The following NBAS variants were observed in gnomAD, a reference collection of about 807,000 sequenced individuals.
The protein encoded by NBAS is NAG/BC035112 fusion.
In NBAS, 219 loss-of-function variants were observed where a neutral mutation model predicts 302.5. The observed-to-expected ratio is 0.72, with a 90% confidence interval of 0.65 to 0.81. NBAS has a LOEUF of 0.81. Ranked by LOEUF, NBAS falls within the 30% of genes least tolerant of loss-of-function variation. The pLI is 0.00. For synonymous variants in NBAS, 1,118 were observed against 1,021.6 expected (o/e 1.09, Z -1.80); for missense variants, 2,932 against 2,841.6 (o/e 1.03, Z -0.72).
chr2:15,126,403 A>G, the NBAS span, among the ~76,000 whole-genome samples: 1 of 152,118 alleles, frequency 6.6e-6, no homozygotes, highest in Non-Finnish European at 1.5e-5. Flanking sequence ...CTGATACAGG[A>G]GCCCTGGTAG....
At chr2:15,439,441 G>C (rs1678223015) in intron 21 of NBAS, among the ~76,000 whole-genome samples, 1 of 151,586 alleles carries the variant, frequency 6.6e-6, no homozygotes, top group Non-Finnish European at 1.5e-5. Context: ...TAATTTAACT[G>C]CACCCCAGAA....
chr2:15,075,221 T>A, the NBAS span, among the ~76,000 whole-genome samples: 3 of 152,306 alleles, frequency 2.0e-5, no homozygotes, highest in African/African-American at 7.2e-5. Context: ...TTCTTTTAAA[T>A]GACAATACAA....
chr2:14,801,637 A>G, the NBAS span, among the ~76,000 whole-genome samples: 7 of 151,830 alleles, frequency 4.6e-5, no homozygotes, highest in African/African-American at 1.5e-4. Flanking sequence ...TTAGTTTTCA[A>G]TGTTTTTTTC....
intron 25 of NBAS, among the ~76,000 whole-genome samples, chr2:15,406,059 C>A (rs922338573): frequency 7.1e-6 from 1 of 141,282 alleles, no homozygotes; most frequent in Non-Finnish European, 1.5e-5. Context: ...AGTAGACAAA[C>A]TGTTACTAAA....
At chr2:15,480,252 G>T (rs906053390) in intron 12 of NBAS, among the ~76,000 whole-genome samples, 6 of 151,802 alleles carry the variant, frequency 4.0e-5, no homozygotes, top group Non-Finnish European at 8.8e-5. Context: ...GAGGTAGGAG[G>T]ATCAACTGAG....
intron 36 of NBAS, among the ~76,000 whole-genome samples, chr2:15,329,443 C>A (rs575584147): frequency 2.5e-4 from 38 of 152,172 alleles, no homozygotes; most frequent in Non-Finnish European, 4.7e-4. Flanking sequence ...CTTCTCTCAC[C>A]GGGAGGACTG....
At chr2:14,855,053 A>T in the NBAS span, among the ~76,000 whole-genome samples, 1 of 151,888 alleles carries the variant, frequency 6.6e-6, no homozygotes, top group Non-Finnish European at 1.5e-5. Flanking sequence ...GAGTGGTGAG[A>T]ACTTTGTCTT....
At chr2:15,105,475 G>GAAAGAAAA in the NBAS span, among the ~76,000 whole-genome samples, 2,896 of 151,064 alleles carry the variant, frequency 0.019, 91 homozygotes, top group African/African-American at 0.064. Context: ...AAAAAAGAAA[G>GAAAGAAAA]AAAGAAAAAT....
the NBAS span, among the ~76,000 whole-genome samples, chr2:14,879,268 T>C: frequency 3.3e-5 from 5 of 152,192 alleles, no homozygotes; most frequent in Non-Finnish European, 5.9e-5. Context: ...TAAGCATCCA[T>C]GTGCAGATTT....
the NBAS span, among the ~76,000 whole-genome samples, chr2:14,994,992 T>C: frequency 6.6e-6 from 1 of 152,084 alleles, no homozygotes; most frequent in Non-Finnish European, 1.5e-5. Flanking sequence ...CAAAAAGGTA[T>C]TCCAGTTTCT....
At chr2:15,430,633 C>G (rs986430964) in intron 21 of NBAS, among the ~76,000 whole-genome samples, 1 of 152,106 alleles carries the variant, frequency 6.6e-6, no homozygotes, top group African/African-American at 2.4e-5. Context: ...ATTGACAAAG[C>G]CAGGATTTGA....
chr2:15,052,553 G>A, the NBAS span, among the ~76,000 whole-genome samples: 14 of 152,212 alleles, frequency 9.2e-5, no homozygotes, highest in East Asian at 1.2e-3. Flanking sequence ...AACTCACCTC[G>A]AATGTTGTGG....
the NBAS span, among the ~76,000 whole-genome samples, chr2:15,141,603 A>G: frequency 6.6e-6 from 1 of 152,348 alleles, no homozygotes; most frequent in African/African-American, 2.4e-5. Context: ...TGGTTTATAA[A>G]GGCTAGACTC....
At chr2:15,317,037 G>C (rs932224106) in intron 38 of NBAS, among the ~76,000 whole-genome samples, 1 of 152,224 alleles carries the variant, frequency 6.6e-6, no homozygotes, top group Non-Finnish European at 1.5e-5. Context: ...GGAAGGATCA[G>C]GCAGTAATAT....
the NBAS span, among the ~76,000 whole-genome samples, chr2:14,819,980 C>T: frequency 6.6e-6 from 1 of 152,132 alleles, no homozygotes; most frequent in African/African-American, 2.4e-5. Flanking sequence ...TTCACCCCAG[C>T]TAAAATGGCT....
At chr2:15,451,991 T>C (rs1374900239) in intron 21 of NBAS, among the ~76,000 whole-genome samples, 1 of 150,768 alleles carries the variant, frequency 6.6e-6, no homozygotes, top group Non-Finnish European at 1.5e-5. Context: ...CTTGAGAACA[T>C]TACGCTAAAA....
rs1392530207 is a variant in NBAS, at chr2:15,396,464, T to G, written c.3083A>C (p.Glu1028Ala). 6.3e-7 allele frequency: 1 copy of G among 1,597,618 alleles called. No individual in the cohort carries two copies. Among genetic ancestry groups the G allele is most frequent in the African/African-American group, 1.4e-5 (1 of 73,944 alleles). Residue 1028 changes from glutamate to alanine, a missense_variant, in exon 27 of 52, where the codon GAG becomes GCG. By Grantham distance (107) the Glu-to-Ala change is moderately radical (BLOSUM62 -1). Transcript: ENST00000281513. Reference sequence around the variant, plus strand: ...CATGTCATGAAGCTTTGTGGTTGCCTCTGTCTTATCACTAATAAATTAAAA... The same window carrying G: ...CATGTCATGAAGCTTTGTGGTTGCCGCTGTCTTATCACTAATAAATTAAAA... Reference protein sequence around the residue: ...LPERGYGDKTEATTKLHDMVD... With the variant: ...LPERGYGDKTAATTKLHDMVD...
At chr2:14,789,359 G>A in the NBAS span, among the ~76,000 whole-genome samples, 7 of 152,128 alleles carry the variant, frequency 4.6e-5, no homozygotes, top group Non-Finnish European at 1.0e-4. Context: ...CCCACTGTCT[G>A]GCACTCCCTA....
At chr2:15,034,305 A>G in the NBAS span, among the ~76,000 whole-genome samples, 1 of 126,094 alleles carries the variant, frequency 7.9e-6, no homozygotes, top group African/African-American at 3.2e-5. Flanking sequence ...AGAAAGAAAG[A>G]TGGAGAGAGG....
Sources: allele counts gnomAD v4.1 joint callset (sites outside exome capture counted in the v4.1 genomes callset), GRCh38; gene constraint gnomAD v4.1.1; transcripts MANE v1.5; gene names NCBI Gene and HGNC (gene_info 2026-07-23, HGNC 2026-07-21).